ZNF124: variants seen among roughly 807,000 people sequenced by gnomAD.
ZNF124 encodes zinc finger protein 124, also known as zinc finger protein HZF-16.
ZNF124 carries 25 observed loss-of-function variants against 26.6 expected under a neutral mutation model. The observed-to-expected ratio is 0.94, with a 90% confidence interval of 0.68 to 1.31. The LOEUF is 1.31. ZNF124 is among the 40% of genes most tolerant of loss of function. The pLI is 0.00. For missense variants in ZNF124, 444 were observed against 422.2 expected (o/e 1.05, Z -0.45); for synonymous variants, 129 against 133.3 (o/e 0.97, Z 0.22).
chr1:247,139,244 T>G (rs1486916634), intron 3 of ZNF124, among the ~76,000 whole-genome samples: 2 of 152,236 alleles, frequency 1.3e-5, no homozygotes, highest in Non-Finnish European at 2.9e-5. Flanking sequence ...CATCTCAAAT[T>G]TTCACGGTTC....
chr1:247,152,468 T>C (rs1447877666), downstream of ZNF124, among the ~76,000 whole-genome samples: 1 of 152,034 alleles, frequency 6.6e-6, no homozygotes, highest in Non-Finnish European at 1.5e-5. Flanking sequence ...TCCATTATAA[T>C]ATTCAACAAA....
At chr1:247,141,112 G>A (rs1414244724) in intron 3 of ZNF124, among the ~76,000 whole-genome samples, 1 of 152,086 alleles carries the variant, frequency 6.6e-6, no homozygotes, top group East Asian at 1.9e-4. Context: ...GCCCAGAACG[G>A]AGGGTCTGTG....
chr1:247,154,507 A>G (rs1283685877), downstream of ZNF124, among the ~76,000 whole-genome samples: 1 of 152,200 alleles, frequency 6.6e-6, no homozygotes, highest in Admixed American at 6.5e-5. Context: ...ATGAACTAAT[A>G]AACTACATAT....
rs1017288858 is a variant in ZNF124, at chr1:247,157,940, A to T, written c.219-537T>A. Reference sequence around the variant, plus strand: ...TTCTCGCTCTATTAGTTCCTGAAAGATCCGATTGTTAAAAAAAAAAAAAAA... The same window carrying T: ...TTCTCGCTCTATTAGTTCCTGAAAGTTCCGATTGTTAAAAAAAAAAAAAAA... On this transcript the variant is annotated intron_variant, in intron 3 of 3. Coordinates refer to ENST00000543802, the MANE Select transcript of ZNF124 (RefSeq NM_001297568.2). Among the ~76,000 whole-genome samples, 28 of 145,398 alleles carry T rather than the reference A, an allele frequency of 1.9e-4. 1 individual carries two copies. Among genetic ancestry groups the T allele is most frequent in the Non-Finnish European group, 4.0e-4 (27 of 66,986 alleles).
At chr1:247,157,807 A>C (rs913114230) in intron 3 of ZNF124, among the ~76,000 whole-genome samples, 9 of 152,088 alleles carry the variant, frequency 5.9e-5, no homozygotes, top group Admixed American at 1.3e-4. Flanking sequence ...CTCCCTTCAA[A>C]TTTCATGCTG....
In ZNF124 at chr1:247,123,989, C is replaced by A. The variant is rs547522806; in HGVS notation, c.219-118G>T. 230 of 685,806 alleles carry A rather than the reference C, an allele frequency of 3.4e-4. No individual in the cohort carries two copies. In the African/African-American group the frequency reaches 3.7e-3, roughly 11 times the overall value. 42.5% of individuals were successfully genotyped at this position (685,806 alleles called of 1,614,324 possible). On this transcript the variant is annotated intron_variant, in intron 3 of 3. Transcript: ENST00000472531. Reference sequence around the variant, plus strand: ...GACTACAGGCACCCGCCACCACGCCCGGCTAATTTTTTGTATTTTTAGTAG... The same window carrying A: ...GACTACAGGCACCCGCCACCACGCCAGGCTAATTTTTTGTATTTTTAGTAG...
At chr1:247,145,434 T>C (rs1456946524) in intron 3 of ZNF124, among the ~76,000 whole-genome samples, 3 of 152,046 alleles carry the variant, frequency 2.0e-5, no homozygotes, top group Non-Finnish European at 2.9e-5. Context: ...CCTTCCAAAG[T>C]GAGTCAAAAG....
intron 3 of ZNF124, among the ~76,000 whole-genome samples, chr1:247,125,857 A>G (rs1672205022): frequency 6.6e-6 from 1 of 152,244 alleles, no homozygotes; most frequent in Admixed American, 6.5e-5. Flanking sequence ...TGGATCTCAT[A>G]TTAATTAGTC....
At position 247,156,227 on chromosome 1, in the gene ZNF124, A is replaced by G; in HGVS notation, c.*339T>C. 1 of 1,018,940 alleles carries G rather than the reference A, an allele frequency of 9.8e-7. No homozygotes were observed. The highest frequency in any genetic ancestry group is 1.2e-6 in the Non-Finnish European group (1 of 853,170). The allele number at this position is 1,018,940 out of a possible 1,614,324, so 63.1% of individuals were successfully genotyped here. On this transcript the variant is annotated 3_prime_UTR_variant, in exon 4 of 4. Transcript: ENST00000543802. ...TGTCTCTGAGTGAGTTATAGGATAA[A>G]TGAAGGCATTCTCACATTCGATACC...
chr1:247,160,582 G>A (rs1673425029), intron 1 of ZNF124, among the ~76,000 whole-genome samples: 2 of 152,170 alleles, frequency 1.3e-5, no homozygotes, highest in Non-Finnish European at 2.9e-5. Context: ...GTAGCTCACT[G>A]TTGCTAAATA....
In ZNF124 at chr1:247,156,734, AC is replaced by A; in HGVS notation, c.887del (p.Gly296ValfsTer74). ...AQKPYVCNNC[G>X]KGFRCSSSLR... is the part of the protein sequence containing the mutation. The stretch of plus-strand genomic sequence containing the variant: ...GGGAACTGGAACATCTGAAGCCTTT[AC>A]CACAATTGTTACATACATAGGGTTT... On this transcript the variant is annotated frameshift_variant, in exon 4 of 4. Transcript: ENST00000543802. LOFTEE classifies it high-confidence loss of function. 6.2e-7 allele frequency: 1 copy of A among 1,610,846 alleles called. No homozygotes were observed.
At chr1:247,165,792 A>G (rs1673747639) in intron 1 of ZNF124, among the ~76,000 whole-genome samples, 1 of 152,218 alleles carries the variant, frequency 6.6e-6, no homozygotes, top group African/African-American at 2.4e-5. Context: ...CAAACATGAG[A>G]AAAATGAACA....
At chr1:247,145,214 A>C (rs1672731368) in intron 3 of ZNF124, among the ~76,000 whole-genome samples, 1 of 152,220 alleles carries the variant, frequency 6.6e-6, no homozygotes, top group African/African-American at 2.4e-5. Context: ...ACATTCAGTC[A>C]ACAAATTGTA....
intron 3 of ZNF124, among the ~76,000 whole-genome samples, chr1:247,136,176 G>T (rs1429944367): frequency 1.3e-5 from 2 of 152,166 alleles, no homozygotes; most frequent in East Asian, 1.9e-4. Context: ...TCAGGCAAGA[G>T]AAATAAAAGG....
At chr1:247,136,945 C>CAA (rs112254966) in intron 3 of ZNF124, among the ~76,000 whole-genome samples, 8 of 124,610 alleles carry the variant, frequency 6.4e-5, no homozygotes, top group South Asian at 2.6e-4. Context: ...AGACCCATCT[C>CAA]AAAAAAAAAA....
chr1:247,151,651 T>C (rs1217693910), downstream of ZNF124, among the ~76,000 whole-genome samples: 1 of 152,198 alleles, frequency 6.6e-6, no homozygotes, highest in East Asian at 1.9e-4. Flanking sequence ...ATGTGATTAT[T>C]ACACATGTTC....
At chr1:247,161,914 A>G (rs553477266) in intron 1 of ZNF124, among the ~76,000 whole-genome samples, 2 of 152,202 alleles carry the variant, frequency 1.3e-5, no homozygotes, top group South Asian at 2.1e-4. Flanking sequence ...CTTTACCACA[A>G]TCTACAGTCC....
At chr1:247,165,600 C>T (rs976614394) in intron 1 of ZNF124, among the ~76,000 whole-genome samples, 1 of 152,062 alleles carries the variant, frequency 6.6e-6, no homozygotes, top group African/African-American at 2.4e-5. Context: ...CACAGCAAAA[C>T]AAACTAACGG....
At chr1:247,123,095 C>CA (rs918951669) in exon 4 of ZNF124, 4 of 152,056 alleles carry the variant, frequency 2.6e-5, no homozygotes, top group African/African-American at 9.7e-5. Flanking sequence ...AGAGAGAGAA[C>CA]ATGAAAACAA....
Sources: gnomAD v4.1 joint callset for allele counts (sites outside exome capture counted in the v4.1 genomes callset) on GRCh38, gnomAD v4.1.1 for gene constraint, MANE v1.5 for transcripts, NCBI Gene and HGNC (gene_info 2026-07-23, HGNC 2026-07-21) for gene names.